The following GRIP1 variants were observed in gnomAD, a reference collection of about 807,000 sequenced individuals.
The protein encoded by GRIP1 is glutamate receptor interacting protein 1.
A neutral mutation model predicts 129.9 loss-of-function variants in GRIP1; 45 were observed. That is an observed-to-expected ratio of 0.35 (90% CI 0.27 to 0.44). The LOEUF (loss-of-function observed/expected upper bound fraction) is 0.44. Ranked by LOEUF, GRIP1 falls within the 20% of genes least tolerant of loss-of-function variation. The pLI is 1.00. For synonymous variants in GRIP1, 530 were observed against 520.8 expected (o/e 1.02, Z -0.24); for missense variants, 1,196 against 1,396.8 (o/e 0.86, Z 2.29).
chr12:66,399,753 G>A (rs968852494), intron 16 of GRIP1, among the ~76,000 whole-genome samples: 1 of 151,950 alleles, frequency 6.6e-6, no homozygotes. Flanking sequence ...TGCTTCTGTG[G>A]CCAAATAGGA....
At chr12:66,562,500 T>C (rs1376707301) in intron 2 of GRIP1, among the ~76,000 whole-genome samples, 3 of 152,196 alleles carry the variant, frequency 2.0e-5, no homozygotes, top group Non-Finnish European at 4.4e-5. Context: ...AATTAAACTA[T>C]AATCTAGGCT....
intron 7 of GRIP1, among the ~76,000 whole-genome samples, chr12:66,474,825 G>T (rs941931164): frequency 6.6e-6 from 1 of 152,162 alleles, no homozygotes; most frequent in Non-Finnish European, 1.5e-5. Flanking sequence ...GCTCCTGAAG[G>T]AATCACTAAA....
Position 66,981,545 on chromosome 12 carries a change from T to C in GRIP1, c.58+87505A>G, listed in dbSNP as rs1471796288. 3.9e-5 allele frequency among the ~76,000 whole-genome samples: 6 copies of C among 152,170 alleles called. No homozygotes were observed. The East Asian group carries it at 1.2e-3, about 29-fold the overall frequency. ...GTGTAATCAAAGTGACATAAAGGAA[T>C]TTCACCTAAAGAATAAGTTCCTATG... On this transcript the variant is annotated intron_variant, in intron 1 of 1. Coordinates refer to the GRIP1 transcript ENST00000643019.
chr12:66,648,063 C>T (rs926570808), intron 1 of GRIP1, among the ~76,000 whole-genome samples: 10 of 152,282 alleles, frequency 6.6e-5, no homozygotes, highest in Middle Eastern at 3.4e-3. Context: ...CTGCTTCCCT[C>T]CACCCACTCT....
intron 5 of GRIP1, among the ~76,000 whole-genome samples, chr12:66,527,975 T>G (rs746799707): frequency 6.6e-5 from 10 of 151,848 alleles, no homozygotes; most frequent in Non-Finnish European, 1.3e-4. Context: ...AAGATAGAAG[T>G]TGGAAAGAAA....
chr12:66,469,997 T>A (rs775169435), intron 7 of GRIP1, among the ~76,000 whole-genome samples: 3 of 152,112 alleles, frequency 2.0e-5, no homozygotes, highest in Non-Finnish European at 4.4e-5. Flanking sequence ...TTCTCCCAGA[T>A]CCTTATAAAT....
At chr12:67,011,388 T>C (rs1035495759) in intron 1 of GRIP1, among the ~76,000 whole-genome samples, 4 of 152,200 alleles carry the variant, frequency 2.6e-5, no homozygotes, top group Non-Finnish European at 4.4e-5. Flanking sequence ...TTCAGTATTG[T>C]CCTAGTGACC....
intron 1 of GRIP1, among the ~76,000 whole-genome samples, chr12:66,645,056 C>A (rs911067131): frequency 6.6e-6 from 1 of 152,152 alleles, no homozygotes; most frequent in African/African-American, 2.4e-5. Flanking sequence ...GGTCAATCAA[C>A]CACAAATTCA....
intron 1 of GRIP1, among the ~76,000 whole-genome samples, chr12:66,913,973 G>C (rs565296273): frequency 1.3e-5 from 2 of 152,208 alleles, no homozygotes; most frequent in East Asian, 3.9e-4. Flanking sequence ...AATAATTACT[G>C]CACCATGTGT....
chr12:67,009,203 G>A lies in GRIP1; in HGVS notation c.58+59847C>T, dbSNP rs920929576. Among the ~76,000 whole-genome samples the A allele has an allele frequency of 2.0e-5, 3 of 151,900 alleles. No homozygotes were observed. The South Asian group carries it at 6.2e-4, about 32-fold the overall frequency. On this transcript the variant is annotated intron_variant, in intron 1 of 1. Coordinates refer to the GRIP1 transcript ENST00000643019. ...AATTAGCTAAAGATTGTTTCCCCTG[G>A]GAATCAAGCAAAAAAAGTAATGTAT...
At chr12:66,574,960 C>T (rs979457123) in intron 2 of GRIP1, among the ~76,000 whole-genome samples, 1 of 151,666 alleles carries the variant, frequency 6.6e-6, no homozygotes, top group Non-Finnish European at 1.5e-5. Context: ...TTAATAGAGA[C>T]GGGGTTTCAC....
At chr12:66,873,462 A>G (rs1451255487) in intron 1 of GRIP1, among the ~76,000 whole-genome samples, 1 of 152,118 alleles carries the variant, frequency 6.6e-6, no homozygotes, top group Non-Finnish European at 1.5e-5. Flanking sequence ...TCAGACAGCC[A>G]GAGTACTTTA....
At chr12:67,061,007 T>C (rs1195167431) in intron 1 of GRIP1, among the ~76,000 whole-genome samples, 1 of 152,090 alleles carries the variant, frequency 6.6e-6, no homozygotes, top group African/African-American at 2.4e-5. Context: ...CACTCAGTAT[T>C]TGAGCTGGAC....
At chr12:66,809,454 G>T (rs577680437) in intron 1 of GRIP1, among the ~76,000 whole-genome samples, 45 of 152,192 alleles carry the variant, frequency 3.0e-4, no homozygotes, top group African/African-American at 1.0e-3. Context: ...AATAATCGCT[G>T]CAGCCTTCAT....
Position 67,021,899 on chromosome 12 carries a change from G to C in GRIP1, c.58+47151C>G, listed in dbSNP as rs576806781. Among the ~76,000 whole-genome samples the C allele has an allele frequency of 8.1e-4, 123 of 152,192 alleles. 3 individuals are homozygous for C. The South Asian group carries it at 0.025, about 31-fold the overall frequency. On this transcript the variant is annotated intron_variant, in intron 1 of 1. Transcript: ENST00000643019. The stretch of plus-strand genomic sequence containing the variant: ...AGTTTCTGCATATGAGTGAGAACAT[G>C]CTGTATTTATTTTTCTGGTCCTGGC...
chr12:66,691,673 T>C (rs2034986925), intron 1 of GRIP1, among the ~76,000 whole-genome samples: 1 of 152,240 alleles, frequency 6.6e-6, no homozygotes, highest in Non-Finnish European at 1.5e-5. Flanking sequence ...GCATCTTTTA[T>C]TCTAAAGCTA....
intron 1 of GRIP1, among the ~76,000 whole-genome samples, chr12:66,642,842 T>C (rs1026659086): frequency 2.6e-5 from 4 of 152,100 alleles, no homozygotes; most frequent in African/African-American, 9.7e-5. Flanking sequence ...ACAGAAATAA[T>C]GCAGATGAAT....
At chr12:66,594,765 C>A (rs1005426657) in intron 2 of GRIP1, among the ~76,000 whole-genome samples, 2 of 152,158 alleles carry the variant, frequency 1.3e-5, no homozygotes, top group Non-Finnish European at 2.9e-5. Flanking sequence ...AGTGGGGGCA[C>A]AAGTGGACAT....
intron 1 of GRIP1, among the ~76,000 whole-genome samples, chr12:66,792,176 TTAC>T (rs2038559155): frequency 6.6e-6 from 1 of 152,184 alleles, no homozygotes; most frequent in South Asian, 2.1e-4. Flanking sequence ...ATGATACACT[TTAC>T]TACGACTTTT....
Sources: gnomAD v4.1 joint callset for allele counts (sites outside exome capture counted in the v4.1 genomes callset) on GRCh38, gnomAD v4.1.1 for gene constraint, MANE v1.5 for transcripts, NCBI Gene and HGNC (gene_info 2026-07-23, HGNC 2026-07-21) for gene names.